The following HIVEP1 variants were observed in gnomAD, a reference collection of about 807,000 sequenced individuals.
HIVEP1 encodes zinc finger protein 40.
A neutral mutation model predicts 180.0 loss-of-function variants in HIVEP1; 36 were observed. That is an observed-to-expected ratio of 0.20 (90% CI 0.15 to 0.26). HIVEP1 has a LOEUF of 0.26. Ranked by LOEUF, HIVEP1 falls within the 10% of genes least tolerant of loss-of-function variation. HIVEP1 has a pLI of 1.00. For missense variants in HIVEP1, 3,143 were observed against 3,268.7 expected, an observed-to-expected ratio of 0.96 and a Z score of 0.94; for synonymous variants, 1,239 against 1,239.0, an observed-to-expected ratio of 1.00 and a Z score of 0.00.
At chr6:12,160,299 T>A (rs1760317255) in intron 7 of HIVEP1, among the ~76,000 whole-genome samples, 1 of 152,208 alleles carries the variant, frequency 6.6e-6, no homozygotes, top group Admixed American at 6.5e-5. Context: ...TCACATGATG[T>A]TAAGAGGCTG....
upstream of HIVEP1, among the ~76,000 whole-genome samples, chr6:12,009,945 A>C (rs118079165): frequency 6.6e-6 from 1 of 152,244 alleles, no homozygotes; most frequent in Non-Finnish European, 1.5e-5. Context: ...TGTTGTGCTC[A>C]ACAATTATTG....
At chr6:12,167,683 T>TATAATATATACATATATACATATATGC (rs1562023785), downstream of HIVEP1, among the ~76,000 whole-genome samples, 141 of 104,090 alleles carry the variant, frequency 1.4e-3, 1 homozygote, top group African/African-American at 4.9e-3. Flanking sequence ...CATATATGTG[T>TATAATATATACATATATACATATATGC]ATAATATATA....
chr6:12,091,336 A>G (rs1195671022), intron 3 of HIVEP1, among the ~76,000 whole-genome samples: 1 of 152,100 alleles, frequency 6.6e-6, no homozygotes, highest in African/African-American at 2.4e-5. Context: ...AAGTTTAGCC[A>G]CATTGCTTTT....
At chr6:12,119,522 A>T (rs1446030184) in intron 3 of HIVEP1, among the ~76,000 whole-genome samples, 2 of 152,240 alleles carry the variant, frequency 1.3e-5, no homozygotes, top group Non-Finnish European at 2.9e-5. Flanking sequence ...GACAAGCTCA[A>T]AACTTCTTGT....
chr6:12,196,469 T>A, the HIVEP1 span, among the ~76,000 whole-genome samples: 1 of 152,240 alleles, frequency 6.6e-6, no homozygotes, highest in Non-Finnish European at 1.5e-5. Context: ...CTCGTTGGCA[T>A]GCATTCAAGT....
intron 2 of HIVEP1, among the ~76,000 whole-genome samples, chr6:12,016,784 A>G (rs931546927): frequency 6.6e-6 from 1 of 152,204 alleles, no homozygotes; most frequent in African/African-American, 2.4e-5. Flanking sequence ...AACGTTGAAA[A>G]TTGAATGTGT....
At chr6:12,185,306 C>T in the HIVEP1 span, among the ~76,000 whole-genome samples, 24 of 152,296 alleles carry the variant, frequency 1.6e-4, no homozygotes, top group East Asian at 1.4e-3. Context: ...GGGCCACTGA[C>T]GCAGCTATAA....
At chr6:12,192,115 C>T in the HIVEP1 span, among the ~76,000 whole-genome samples, 4 of 152,252 alleles carry the variant, frequency 2.6e-5, no homozygotes, top group South Asian at 4.1e-4. Context: ...AAATCAATTA[C>T]AATATTTCTT....
chr6:12,009,225 G>A (rs1474243583), upstream of HIVEP1, among the ~76,000 whole-genome samples: 10 of 149,380 alleles, frequency 6.7e-5, no homozygotes, highest in African/African-American at 2.2e-4. Flanking sequence ...CCGGCCGGGC[G>A]GCCGCGTGGG....
intron 2 of HIVEP1, among the ~76,000 whole-genome samples, chr6:12,074,081 G>A (rs1005942084): frequency 1.3e-5 from 2 of 152,194 alleles, no homozygotes; most frequent in Non-Finnish European, 2.9e-5. Flanking sequence ...TTTACTGTAT[G>A]TTATAGGTAC....
intron 7 of HIVEP1, among the ~76,000 whole-genome samples, chr6:12,145,799 G>C (rs915196604): frequency 2.0e-5 from 3 of 152,036 alleles, no homozygotes; most frequent in Non-Finnish European, 2.9e-5. Context: ...AATTATATAA[G>C]GGCAAAGATG....
chr6:12,141,203 G>A (rs1267267341), intron 7 of HIVEP1, among the ~76,000 whole-genome samples: 1 of 152,124 alleles, frequency 6.6e-6, no homozygotes, highest in East Asian at 1.9e-4. Flanking sequence ...AGAAGAGAGT[G>A]GGGGCTGGTA....
Position 12,123,209 on chromosome 6 carries a change from C to T in HIVEP1, c.3414C>T (p.His1138=). 1 of 1,614,204 alleles carries T rather than the reference C, an allele frequency of 6.2e-7. No individual in the cohort carries two copies. The highest frequency in any genetic ancestry group is 8.5e-7 in the Non-Finnish European group (1 of 1,180,026). Residue 1138 remains histidine, a synonymous_variant, in exon 4 of 9, where the codon CAC becomes CAT. Coordinates refer to ENST00000379388, the MANE Select transcript of HIVEP1 (RefSeq NM_002114.4). The stretch of plus-strand genomic sequence containing the variant: ...GAACTGGAATCTCTGTCATCCAGCA[C>T]ACCAACTCCCTGAGCAGGCCCAACT... ...RHGTGISVIQ[H]TNSLSRPNSF...
At chr6:12,106,259 T>G (rs1203098196) in intron 3 of HIVEP1, among the ~76,000 whole-genome samples, 2 of 152,074 alleles carry the variant, frequency 1.3e-5, no homozygotes, top group Non-Finnish European at 2.9e-5. Flanking sequence ...AAATGGAGAT[T>G]GGAGGCATGT....
rs1760577980 is a variant in HIVEP1, at chr6:12,163,920, C to A, written c.7616C>A (p.Ala2539Glu). ...PSSQSSPAPQ[A>E]HIPGLQILNI... is the part of the protein sequence containing the mutation. Reference sequence around the variant, plus strand: ...TCACAAAGCAGCCCCGCCCCTCAGGCACACATTCCAGGTCTCCAGATCTTG... The same window carrying A: ...TCACAAAGCAGCCCCGCCCCTCAGGAACACATTCCAGGTCTCCAGATCTTG... The change falls in exon 9 of 9, where the codon GCA becomes GAA. Residue 2539 changes from alanine to glutamate, a missense_variant. Transcript: ENST00000379388. 2 of 1,614,190 alleles carry A rather than the reference C, an allele frequency of 1.2e-6. No homozygotes were observed. The highest frequency in any genetic ancestry group is 4.5e-5 in the East Asian group (2 of 44,880).
At chr6:12,204,405 T>G in the HIVEP1 span, among the ~76,000 whole-genome samples, 3 of 152,090 alleles carry the variant, frequency 2.0e-5, no homozygotes, top group Admixed American at 2.0e-4. Flanking sequence ...TTTCCCCCGC[T>G]TCCCTCAACC....
In HIVEP1 at chr6:12,122,321, G is replaced by T; in HGVS notation, c.2526G>T (p.Met842Ile). The T allele has an allele frequency of 6.2e-7, 1 of 1,614,174 alleles. No individual in the cohort carries two copies. The highest frequency in any genetic ancestry group is 8.5e-7 in the Non-Finnish European group (1 of 1,180,028). Reference protein sequence around the residue: ...DCLPITRSNSMPTTGYSAVPA... With the variant: ...DCLPITRSNSIPTTGYSAVPA... ...TACCTATCACAAGAAGTAATTCCAT[G>T]CCGACCACAGGTTATTCAGCAGTAC... The change falls in exon 4 of 9, where the codon ATG (methionine) becomes ATT (isoleucine). Residue 842 changes from methionine to isoleucine, a missense_variant. Physicochemically the swap from Met to Ile is conservative, Grantham distance 10. Coordinates refer to ENST00000379388, the MANE Select transcript of HIVEP1 (RefSeq NM_002114.4).
chr6:12,153,238 T>C (rs1759810923), intron 7 of HIVEP1, among the ~76,000 whole-genome samples: 1 of 152,250 alleles, frequency 6.6e-6, no homozygotes, highest in South Asian at 2.1e-4. Flanking sequence ...GCTTATTGAC[T>C]ATAATTCATT....
At chr6:12,041,389 T>C (rs1051605994) in intron 2 of HIVEP1, among the ~76,000 whole-genome samples, 1 of 114,720 alleles carries the variant, frequency 8.7e-6, no homozygotes, top group Non-Finnish European at 1.6e-5. Context: ...GCCATTGCAC[T>C]CCAGCCTGGG....
Sources: gnomAD v4.1 joint callset for allele counts (sites outside exome capture counted in the v4.1 genomes callset) on GRCh38, gnomAD v4.1.1 for gene constraint, MANE v1.5 for transcripts, NCBI Gene and HGNC (gene_info 2026-07-23, HGNC 2026-07-21) for gene names.